Variants in SPACA6 observed in about 807,000 individuals in gnomAD.
SPACA6 encodes the protein sperm acrosome membrane-associated protein 6.
For missense variants in SPACA6, 8 were observed against 2.8 expected (o/e 2.88, Z -1.34); for synonymous variants, 6 against 1.5 (o/e 4.05, Z -2.21).
chr19:51,702,325 C>T lies in SPACA6; in HGVS notation c.362-304C>T, dbSNP rs200484064. On this transcript the variant is annotated intron_variant, in intron 3 of 8. Transcript: ENST00000637797. ...ATCGCCCAGGATCTAGCCCCGCCTC[C>T]TCGGTGGAATACACCTGGATTGCCC... 3.3e-5 allele frequency among the ~76,000 whole-genome samples: 5 copies of T among 152,262 alleles called. No individual in the cohort carries two copies. The East Asian group carries it at 9.7e-4, about 29-fold the overall frequency.
At chr19:51,711,104 TA>T (rs2083539310) in intron 2 of SPACA6, among the ~76,000 whole-genome samples, 1 of 151,880 alleles carries the variant, frequency 6.6e-6, no homozygotes, top group Non-Finnish European at 1.5e-5. Flanking sequence ...GGAAGTCAAG[TA>T]AAGAAAGCGT....
At chr19:51,712,160 T>G (rs1416917531) in exon 3 of SPACA6, 3 of 152,160 alleles carry the variant, frequency 2.0e-5, no homozygotes, top group Non-Finnish European at 4.4e-5. Context: ...TACAGGCACA[T>G]GCCACCATGC....
upstream of SPACA6, chr19:51,687,093 C>T (rs1409930200): frequency 1.3e-5 from 2 of 152,096 alleles, no homozygotes; most frequent in Admixed American, 6.6e-5. Context: ...AAAACCCCAT[C>T]TCTACAGAAT....
intron 2 of SPACA6, among the ~76,000 whole-genome samples, chr19:51,698,574 C>T (rs532748720): frequency 5.9e-5 from 9 of 152,302 alleles, no homozygotes; most frequent in African/African-American, 1.9e-4. Flanking sequence ...ATCCTGCCAT[C>T]TTGAGACCAC....
intron 2 of SPACA6, among the ~76,000 whole-genome samples, chr19:51,711,099 T>G (rs2083539269): frequency 6.6e-6 from 1 of 151,836 alleles, no homozygotes; most frequent in Admixed American, 6.6e-5. Context: ...AAAAAGGAAG[T>G]CAAGTAAAGA....
chr19:51,685,243 G>A (rs1250512638), upstream of SPACA6: 2 of 152,164 alleles, frequency 1.3e-5, no homozygotes, highest in African/African-American at 2.4e-5. Flanking sequence ...CAGTTGATGA[G>A]AATGGTGGCC....
At chr19:51,693,171 G>T, upstream of SPACA6, 1 of 484,170 alleles carries the variant, frequency 2.1e-6, no homozygotes, top group Non-Finnish European at 4.1e-6. Context: ...TGGTCTTTCT[G>T]TCTCTGGCTC....
intron 8 of SPACA6, 78 bp downstream of exon 8, chr19:51,704,558 G>A (rs117031966): frequency 0.031 from 12,260 of 400,392 alleles, 413 homozygotes; most frequent in East Asian, 0.13. Context: ...TGGGTTCCCA[G>A]CAACCTCCAA....
chr19:51,684,756 G>C (rs2083320963), upstream of SPACA6, among the ~76,000 whole-genome samples: 1 of 152,178 alleles, frequency 6.6e-6, no homozygotes, highest in Admixed American at 6.5e-5. Flanking sequence ...TTTTAAGAAA[G>C]TTTATGAATG....
rs1009727148 is a variant in SPACA6, at chr19:51,703,614, A to G, written c.573+277A>G. 3.9e-5 allele frequency among the ~76,000 whole-genome samples: 6 copies of G among 152,010 alleles called. No individual in the cohort carries two copies. Among genetic ancestry groups the G allele is most frequent in the African/African-American group, 1.5e-4 (6 of 41,378 alleles). ...GAGTTTGAGACCGGCCTCGGCAACA[A>G]ATTAAGACCCCTCCTCTGCCAAAAA... is the stretch of plus-strand genomic sequence containing the variant. On this transcript the variant is annotated intron_variant, in intron 6 of 8. Coordinates refer to ENST00000637797, the MANE Select transcript of SPACA6 (RefSeq NM_001316972.2). This position sits in a 1 kb window ranked among gnomAD's most constrained non-coding sequence, Gnocchi z 4.2.
chr19:51,710,869 C>A (rs539558765), intron 2 of SPACA6, among the ~76,000 whole-genome samples: 1 of 152,326 alleles, frequency 6.6e-6, no homozygotes, highest in Non-Finnish European at 1.5e-5. Context: ...CACTTGAGGT[C>A]ACGAGTTTGA....
At chr19:51,698,307 C>T (rs576657726) in intron 2 of SPACA6, among the ~76,000 whole-genome samples, 3 of 152,124 alleles carry the variant, frequency 2.0e-5, no homozygotes, top group African/African-American at 7.2e-5. Context: ...CTGGGGGAGA[C>T]TTTACAACAC....
intron 3 of SPACA6, among the ~76,000 whole-genome samples, chr19:51,702,336 A>G: frequency 6.6e-6 from 1 of 150,684 alleles, no homozygotes; most frequent in Non-Finnish European, 1.5e-5. Context: ...TCGGTGGAAT[A>G]CACCTGGATT....
At chr19:51,691,056 C>T (rs746212809), upstream of SPACA6, among the ~76,000 whole-genome samples, 7 of 144,174 alleles carry the variant, frequency 4.9e-5, no homozygotes, top group African/African-American at 1.6e-4. Context: ...CCGCCTCCCC[C>T]TTTCCTCCTC....
chr19:51,702,663 C>A lies in SPACA6; in HGVS notation c.385+11C>A, dbSNP rs1282107335. On this transcript the variant is annotated intron_variant, in intron 4 of 8. Transcript: ENST00000637797. ...GCATCCCTCCCTGCGGTAAGGACTT[C>A]ATCTAAAACTTGGAAATTGCGGGGT... 2 of 399,068 alleles carry A rather than the reference C, an allele frequency of 5.0e-6. No individual in the cohort carries two copies. The highest frequency in any genetic ancestry group is 3.6e-5 in the East Asian group (1 of 28,090). 24.7% of individuals were successfully genotyped at this position (399,068 alleles called of 1,614,324 possible). A position where few individuals can be genotyped will look rare whatever the true frequency, so the allele number is the denominator to read the frequency against.
intron 2 of SPACA6, among the ~76,000 whole-genome samples, 171 bp from the exon 3 acceptor site, chr19:51,701,487 T>C (rs1341719388): frequency 1.3e-5 from 2 of 151,818 alleles, no homozygotes; most frequent in African/African-American, 4.8e-5. Context: ...GCAGAGAATA[T>C]GGTAATGAGA....
upstream of SPACA6, among the ~76,000 whole-genome samples, chr19:51,690,131 G>C (rs1008549232): frequency 6.6e-6 from 1 of 151,834 alleles, no homozygotes; most frequent in South Asian, 2.1e-4. Context: ...CTCCCTCGGG[G>C]ACCCGGGATT....
At chr19:51,699,043 A>G (rs555853971) in intron 2 of SPACA6, among the ~76,000 whole-genome samples, 3 of 152,244 alleles carry the variant, frequency 2.0e-5, no homozygotes, top group Admixed American at 6.5e-5. Context: ...GTCTTGCTCT[A>G]TTGCCCAGGC....
At chr19:51,702,068 C>G (rs1027280967) in intron 3 of SPACA6, among the ~76,000 whole-genome samples, 1 of 152,072 alleles carries the variant, frequency 6.6e-6, no homozygotes, top group African/African-American at 2.4e-5. Flanking sequence ...CATCTCAAAA[C>G]GAAACCCACT....
Sources: gnomAD v4.1 joint callset for allele counts (sites outside exome capture counted in the v4.1 genomes callset) on GRCh38, gnomAD v4.1.1 for gene constraint, Gnocchi (gnomAD v3.1) non-coding constraint, MANE v1.5 for transcripts, NCBI Gene and HGNC (gene_info 2026-07-23, HGNC 2026-07-21) for gene names.